CNTNAP2: variants seen among roughly 807,000 people sequenced by gnomAD.
The protein encoded by CNTNAP2 is contactin-associated protein-like 2.
A neutral mutation model predicts 155.2 loss-of-function variants in CNTNAP2; 98 were observed. The observed-to-expected ratio is 0.63, with a 90% CI of 0.54 to 0.75. The LOEUF (loss-of-function observed/expected upper bound fraction) is 0.75, where lower values mean the gene tolerates loss of function less well. CNTNAP2 is among the 30% of genes least tolerant of loss of function. The pLI, the probability that CNTNAP2 is intolerant of heterozygous loss-of-function variation, is 0.00. For synonymous variants in CNTNAP2, 651 were observed against 631.2 expected (o/e 1.03, Z -0.47); for missense variants, 1,727 against 1,688.1 (o/e 1.02, Z -0.40).
intron 3 of CNTNAP2, among the ~76,000 whole-genome samples, chr7:147,041,911 G>T (rs1327989550): frequency 6.6e-6 from 1 of 152,142 alleles, no homozygotes; most frequent in Non-Finnish European, 1.5e-5. Context: ...TTTGGTCAAG[G>T]ATTCTAATTG....
At chr7:146,774,986 G>A (rs1802363430) in intron 2 of CNTNAP2, among the ~76,000 whole-genome samples, 1 of 152,022 alleles carries the variant, frequency 6.6e-6, no homozygotes, top group African/African-American at 2.4e-5. Flanking sequence ...ACATAATTAA[G>A]GACAGAGGCA....
chr7:147,469,239 A>C, intron 10 of CNTNAP2, among the ~76,000 whole-genome samples: 1 of 152,202 alleles, frequency 6.6e-6, no homozygotes, highest in Admixed American at 6.5e-5. Flanking sequence ...ATGAAATGCC[A>C]GTTCAATTCC....
chr7:147,205,630 G>A (rs1803008868), intron 8 of CNTNAP2, among the ~76,000 whole-genome samples: 1 of 150,606 alleles, frequency 6.6e-6, no homozygotes, highest in Non-Finnish European at 1.5e-5. Flanking sequence ...AAGGCAGACA[G>A]AAAAAGATAA....
Position 146,492,291 on chromosome 7 carries a change from C to G in CNTNAP2, c.98-281980C>G, listed in dbSNP as rs559633463. ...AGAGAGAAAGCATGAGTAACTAATA[C>G]GATTTCCACAATGTAAAAATAGAAT... On this transcript the variant is annotated intron_variant, in intron 1 of 23. Transcript: ENST00000361727. Among the ~76,000 whole-genome samples, 3 of 151,890 alleles carry G rather than the reference C, an allele frequency of 2.0e-5. No individual in the cohort carries two copies. The East Asian group carries it at 5.8e-4, about 30-fold the overall frequency.
intron 16 of CNTNAP2, among the ~76,000 whole-genome samples, chr7:148,146,706 G>T (rs1035757152): frequency 6.6e-6 from 1 of 152,142 alleles, no homozygotes; most frequent in Non-Finnish European, 1.5e-5. Context: ...GTAGGCACAG[G>T]TGGTCATAAA....
intron 2 of CNTNAP2, among the ~76,000 whole-genome samples, chr7:146,790,011 A>T (rs1802642763): frequency 6.6e-6 from 1 of 151,918 alleles, no homozygotes; most frequent in African/African-American, 2.4e-5. Context: ...TTCCCTTTCA[A>T]ATAAAGGATT....
At chr7:146,178,506 C>T (rs531345725) in intron 1 of CNTNAP2, among the ~76,000 whole-genome samples, 2 of 152,244 alleles carry the variant, frequency 1.3e-5, no homozygotes, top group Non-Finnish European at 2.9e-5. Flanking sequence ...CAATACAGAA[C>T]ATAAGCTTTG....
At chr7:147,597,237 T>C (rs964229082) in intron 12 of CNTNAP2, among the ~76,000 whole-genome samples, 10 of 152,170 alleles carry the variant, frequency 6.6e-5, no homozygotes, top group Admixed American at 6.5e-4. Flanking sequence ...GGGGTCTGGA[T>C]TGGGATCCCT....
chr7:146,601,666 A>G (rs1250508064), intron 1 of CNTNAP2, among the ~76,000 whole-genome samples: 4 of 152,132 alleles, frequency 2.6e-5, no homozygotes, highest in Non-Finnish European at 1.5e-5. Context: ...AATTATGTTG[A>G]AGAAAAACAA....
At chr7:147,065,945 C>T (rs750724836) in intron 4 of CNTNAP2, among the ~76,000 whole-genome samples, 11 of 152,008 alleles carry the variant, frequency 7.2e-5, no homozygotes, top group Middle Eastern at 3.2e-3. Context: ...GAAGTTGACT[C>T]ATATCTTTTG....
At chr7:147,109,249 A>G (rs747282984) in intron 5 of CNTNAP2, among the ~76,000 whole-genome samples, 2 of 152,164 alleles carry the variant, frequency 1.3e-5, no homozygotes, top group Non-Finnish European at 2.9e-5. Context: ...GCAGAGAAAT[A>G]TGTCAATTAA....
chr7:147,148,086 A>G (rs571701629), intron 8 of CNTNAP2, among the ~76,000 whole-genome samples: 11 of 152,334 alleles, frequency 7.2e-5, no homozygotes, highest in African/African-American at 2.6e-4. Context: ...ATCATGCAAC[A>G]TTATATGGTA....
intron 1 of CNTNAP2, among the ~76,000 whole-genome samples, chr7:146,239,851 A>C (rs1799531305): frequency 6.6e-6 from 1 of 152,194 alleles, no homozygotes; most frequent in African/African-American, 2.4e-5. Context: ...ATGAGATGCA[A>C]CACATCTGAG....
intron 10 of CNTNAP2, among the ~76,000 whole-genome samples, chr7:147,430,443 T>G (rs2116527125): frequency 6.6e-6 from 1 of 152,318 alleles, no homozygotes; most frequent in Non-Finnish European, 1.5e-5. Context: ...TCTAAGAGGT[T>G]ATTCAAAAGT....
chr7:146,167,449 A>G (rs1172772552), intron 1 of CNTNAP2, among the ~76,000 whole-genome samples: 3 of 152,208 alleles, frequency 2.0e-5, no homozygotes, highest in Non-Finnish European at 4.4e-5. Context: ...TGAGGTATTA[A>G]TGAGCCCCTA....
chr7:148,412,301 G>A (rs920935443), intron 23 of CNTNAP2, among the ~76,000 whole-genome samples: 7 of 152,350 alleles, frequency 4.6e-5, no homozygotes, highest in South Asian at 2.1e-4. Context: ...CTGGCCAGGC[G>A]CGGTGGCGCA....
chr7:147,810,573 T>C (rs1798163135), intron 13 of CNTNAP2, among the ~76,000 whole-genome samples: 1 of 152,208 alleles, frequency 6.6e-6, no homozygotes, highest in Non-Finnish European at 1.5e-5. Context: ...CAGAATTTAA[T>C]GCATACTTGC....
rs532820418 is a variant in CNTNAP2, at chr7:146,760,409, C to CTTTTTTTTTTTTT, written c.98-13841_98-13829dup. 1.5e-3 allele frequency among the ~76,000 whole-genome samples: 82 copies of CTTTTTTTTTTTTT among 56,294 alleles called. 11 individuals carry two copies. The highest frequency in any genetic ancestry group is 5.8e-3 in the African/African-American group (69 of 11,800). 36.9% of individuals were successfully genotyped at this position (56,294 alleles called of 152,430 possible). A position where few individuals can be genotyped will look rare whatever the true frequency, so the allele number is the denominator to read the frequency against. On this transcript the variant is annotated intron_variant, in intron 1 of 23. Coordinates refer to ENST00000361727, the MANE Select transcript of CNTNAP2 (RefSeq NM_014141.6). ...CACCTCTGTATCATCTCCAATTTAC[C>CTTTTTTTTTTTTT]TTTTTTTTTTTTTTTTTTTTTTTTT...
chr7:148,280,278 G>T (rs1796949165), intron 21 of CNTNAP2, among the ~76,000 whole-genome samples: 1 of 152,072 alleles, frequency 6.6e-6, no homozygotes, highest in Non-Finnish European at 1.5e-5. Context: ...CTACTGTACT[G>T]CATCTAGGTG....
Sources: gnomAD v4.1 joint callset for allele counts (sites outside exome capture counted in the v4.1 genomes callset) on GRCh38, gnomAD v4.1.1 for gene constraint, MANE v1.5 for transcripts, NCBI Gene and HGNC (gene_info 2026-07-23, HGNC 2026-07-21) for gene names.